The following FMN1 variants were observed in gnomAD, a reference collection of about 807,000 sequenced individuals.
FMN1 encodes the protein formin 1.
Under a neutral mutation model 132.4 loss-of-function variants are expected in FMN1, and 110 were observed. That is an observed-to-expected ratio of 0.83 (90% CI 0.71 to 0.97). The LOEUF (loss-of-function observed/expected upper bound fraction) is 0.97. FMN1 is among the 50% of genes least tolerant of loss of function. FMN1 has a pLI of 0.00. For missense variants in FMN1, 1,792 were observed against 1,705.3 expected, an observed-to-expected ratio of 1.05 and a Z score of -0.90; for synonymous variants, 722 against 651.7, an observed-to-expected ratio of 1.11 and a Z score of -1.64.
intron 7 of FMN1, among the ~76,000 whole-genome samples, chr15:32,993,770 CAGAG>C (rs1182820270): frequency 1.3e-5 from 2 of 152,080 alleles, no homozygotes; most frequent in Admixed American, 1.3e-4. Context: ...TGCTTGTTGT[CAGAG>C]AGCGTAAATT....
intron 6 of FMN1, among the ~76,000 whole-genome samples, chr15:33,013,263 T>C (rs190834380): frequency 3.5e-4 from 53 of 152,354 alleles, no homozygotes; most frequent in Admixed American, 3.0e-3. Flanking sequence ...TGATTAGTTA[T>C]ATAACAGGTT....
intron 9 of FMN1, among the ~76,000 whole-genome samples, chr15:32,939,600 A>C (rs2140432889): frequency 6.6e-6 from 1 of 152,306 alleles, no homozygotes; most frequent in African/African-American, 2.4e-5. Flanking sequence ...TTGTTGGATT[A>C]TATTCATTAT....
At chr15:32,909,097 C>A (rs745673137) in intron 11 of FMN1, among the ~76,000 whole-genome samples, 2 of 152,178 alleles carry the variant, frequency 1.3e-5, no homozygotes, top group African/African-American at 4.8e-5. Context: ...CTCAATTTAT[C>A]CAACTATTTC....
intron 6 of FMN1, among the ~76,000 whole-genome samples, chr15:33,040,418 A>G (rs1714565398): frequency 6.6e-6 from 1 of 152,186 alleles, no homozygotes; most frequent in African/African-American, 2.4e-5. Context: ...AGTGGCAAAA[A>G]CAACAAAACA....
At chr15:33,037,579 G>C (rs1241219463) in intron 6 of FMN1, among the ~76,000 whole-genome samples, 1 of 152,152 alleles carries the variant, frequency 6.6e-6, no homozygotes, top group Non-Finnish European at 1.5e-5. Context: ...AAGCCACAGT[G>C]AAAGAAAATT....
At chr15:33,152,082 G>T (rs1340646383) in intron 4 of FMN1, among the ~76,000 whole-genome samples, 2 of 152,068 alleles carry the variant, frequency 1.3e-5, no homozygotes, top group Non-Finnish European at 2.9e-5. Context: ...ATCATATTAG[G>T]AGCTATTCCC....
At chr15:33,141,304 T>C (rs1055770253) in intron 4 of FMN1, among the ~76,000 whole-genome samples, 2 of 152,332 alleles carry the variant, frequency 1.3e-5, no homozygotes, top group Non-Finnish European at 2.9e-5. Flanking sequence ...AAAATCCACC[T>C]GAAATAGATT....
chr15:32,830,219 A>C (rs896359984), intron 17 of FMN1, among the ~76,000 whole-genome samples: 23 of 152,320 alleles, frequency 1.5e-4, no homozygotes, highest in African/African-American at 5.5e-4. Flanking sequence ...CAGGAGATTA[A>C]AATCTTCTAA....
At position 32,774,325 on chromosome 15, in the gene FMN1, A is replaced by G; in HGVS notation, c.4245T>C (p.Ser1415=). 1 of 1,604,608 alleles carries G rather than the reference A, an allele frequency of 6.2e-7. No homozygotes were observed. Among genetic ancestry groups the G allele is most frequent in the South Asian group, 1.1e-5 (1 of 88,682 alleles). Reference sequence around the variant, plus strand: ...TGTCTTCATCTTAGTTAGTGGTCACACTGGCTTCCTTCTGACGCAGTCTTT... The same window carrying G: ...TGTCTTCATCTTAGTTAGTGGTCACGCTGGCTTCCTTCTGACGCAGTCTTT... ...LKERLRQKEA[S]VTTN The change falls in exon 21 of 21, where the codon AGT becomes AGC. Residue 1415 remains serine, a synonymous_variant. Transcript: ENST00000616417.
At chr15:32,906,358 TAAAAATGACATGA>T (rs2060424905) in intron 12 of FMN1, among the ~76,000 whole-genome samples, 1 of 152,318 alleles carries the variant, frequency 6.6e-6, no homozygotes, top group African/African-American at 2.4e-5. Flanking sequence ...TTATGACATG[TAAAAATGACATGA>T]AATTCAAATT....
intron 3 of FMN1, among the ~76,000 whole-genome samples, chr15:33,168,342 T>G (rs997717630): frequency 3.9e-5 from 6 of 152,232 alleles, no homozygotes; most frequent in African/African-American, 1.4e-4. Context: ...ATTGTGTTTA[T>G]TAAGCAATTA....
chr15:33,067,441 A>C (rs959389846), intron 5 of FMN1: 2 of 1,614,046 alleles, frequency 1.2e-6, no homozygotes, highest in Non-Finnish European at 1.7e-6. Flanking sequence ...CATCAGAGTC[A>C]GAATCACTGG....
intron 16 of FMN1, among the ~76,000 whole-genome samples, chr15:32,881,785 T>C (rs989032363): frequency 1.3e-5 from 2 of 152,166 alleles, no homozygotes; most frequent in Admixed American, 1.3e-4. Flanking sequence ...GAAGCATAGC[T>C]CACCCTCTTA....
chr15:33,173,938 AAAAGAAAGAAAG>A (rs200570710), intron 3 of FMN1, among the ~76,000 whole-genome samples: 6 of 149,552 alleles, frequency 4.0e-5, no homozygotes, highest in Non-Finnish European at 8.9e-5. Flanking sequence ...AAAAAATTAA[AAAAGAAAGAAAG>A]AAAGAAAGAA....
intron 7 of FMN1, 134 bp downstream of exon 7, chr15:33,007,880 G>C: frequency 1.6e-6 from 1 of 639,918 alleles, no homozygotes; most frequent in South Asian, 2.5e-5. Context: ...TATAGACACA[G>C]TGCCTACTGG....
chr15:33,021,281 G>A (rs1012662791), intron 6 of FMN1, among the ~76,000 whole-genome samples: 1 of 152,198 alleles, frequency 6.6e-6, no homozygotes, highest in Non-Finnish European at 1.5e-5. Context: ...GTTACCGAAA[G>A]CTGCTGAATT....
intron 19 of FMN1, among the ~76,000 whole-genome samples, chr15:32,794,398 G>T (rs2057205021): frequency 6.6e-6 from 1 of 152,002 alleles, no homozygotes; most frequent in Non-Finnish European, 1.5e-5. Flanking sequence ...TTTATTCCTG[G>T]AGTCATGACT....
intron 16 of FMN1, among the ~76,000 whole-genome samples, chr15:32,873,716 C>T (rs1005590086): frequency 6.6e-6 from 1 of 152,148 alleles, no homozygotes; most frequent in Admixed American, 6.6e-5. Context: ...ATAGTATCCA[C>T]TGAGAGGCTA....
At chr15:33,073,338 C>G (rs1223095301) in intron 5 of FMN1, among the ~76,000 whole-genome samples, 2 of 152,090 alleles carry the variant, frequency 1.3e-5, no homozygotes, top group Non-Finnish European at 2.9e-5. Flanking sequence ...CAAAGTAGTT[C>G]AAATAGCTTC....
Sources: allele counts gnomAD v4.1 joint callset (sites outside exome capture counted in the v4.1 genomes callset), GRCh38; gene constraint gnomAD v4.1.1; transcripts MANE v1.5; gene names NCBI Gene and HGNC (gene_info 2026-07-23, HGNC 2026-07-21).